PRELID2: variants seen among roughly 807,000 people sequenced by gnomAD.
PRELID2 encodes PRELI domain-containing protein 2.
Under a neutral mutation model 28.4 loss-of-function variants are expected in PRELID2, and 25 were observed. The observed-to-expected ratio is 0.88, with a 90% CI of 0.64 to 1.23. PRELID2 has a LOEUF of 1.23. Among genes scored for constraint, PRELID2 ranks in the 50% most tolerant of loss-of-function variants. The probability of loss-of-function intolerance (pLI) is 0.00; values close to 1 mark genes in which losing one functional copy is unlikely to be tolerated. For synonymous variants in PRELID2, 76 were observed against 71.6 expected (o/e 1.06, Z -0.31); for missense variants, 201 against 214.4 (o/e 0.94, Z 0.39).
At chr5:145,819,520 C>CCTG in intron 3 of PRELID2, 1 of 694,686 alleles carries the variant, frequency 1.4e-6, no homozygotes, top group Non-Finnish European at 2.5e-6. Flanking sequence ...GAACCTTATA[C>CCTG]TCTGGGAAAT....
chr5:145,368,785 AT>A, the PRELID2 span, among the ~76,000 whole-genome samples: 3 of 149,528 alleles, frequency 2.0e-5, no homozygotes, highest in South Asian at 2.1e-4. Flanking sequence ...AGTCTCTTTC[AT>A]TTTTTTTGTT....
At chr5:145,565,841 T>C (rs903952779) in intron 1 of PRELID2, among the ~76,000 whole-genome samples, 1 of 152,210 alleles carries the variant, frequency 6.6e-6, no homozygotes, top group African/African-American at 2.4e-5. Flanking sequence ...TAAGCAAACA[T>C]TTCTTTAAGT....
chr5:145,589,479 T>G (rs1753198374), intron 1 of PRELID2, among the ~76,000 whole-genome samples: 1 of 152,200 alleles, frequency 6.6e-6, no homozygotes. Context: ...ATTTTTTTTC[T>G]TTGCCATCAT....
At chr5:145,613,701 GT>G (rs1344106811) in intron 1 of PRELID2, among the ~76,000 whole-genome samples, 1 of 152,000 alleles carries the variant, frequency 6.6e-6, no homozygotes, top group Admixed American at 6.6e-5. Context: ...ATTTGTTTGA[GT>G]TCATTGTAGA....
At chr5:145,471,655 T>C (rs1286099915), downstream of PRELID2, 2 of 152,144 alleles carry the variant, frequency 1.3e-5, no homozygotes, top group Non-Finnish European at 2.9e-5. Context: ...CTCTTGCCTA[T>C]CGGTGTATAT....
At chr5:145,607,781 A>G (rs952916125) in intron 1 of PRELID2, among the ~76,000 whole-genome samples, 1 of 152,168 alleles carries the variant, frequency 6.6e-6, no homozygotes, top group Non-Finnish European at 1.5e-5. Flanking sequence ...TGTCAAGTTC[A>G]GGTCCTGAAT....
At chr5:145,381,806 T>C in the PRELID2 span, 2 of 152,082 alleles carry the variant, frequency 1.3e-5, no homozygotes, top group Non-Finnish European at 2.9e-5. Flanking sequence ...AAAATAATTC[T>C]ACAGAGGAGC....
the PRELID2 span, among the ~76,000 whole-genome samples, chr5:145,294,128 C>A: frequency 6.6e-6 from 1 of 152,098 alleles, no homozygotes; most frequent in Non-Finnish European, 1.5e-5. Context: ...CATTATGCTT[C>A]AAATGTGAGT....
chr5:145,321,689 G>A, the PRELID2 span, among the ~76,000 whole-genome samples: 3 of 152,194 alleles, frequency 2.0e-5, no homozygotes, highest in South Asian at 4.1e-4. Context: ...CATAGCAATT[G>A]TCCCCTTGGT....
chr5:145,743,087 T>G (rs569516843), intron 1 of PRELID2, among the ~76,000 whole-genome samples: 42 of 151,834 alleles, frequency 2.8e-4, no homozygotes, highest in Middle Eastern at 3.4e-3. Flanking sequence ...AATGACGGAC[T>G]AGAAATGGGG....
intron 5 of PRELID2, among the ~76,000 whole-genome samples, chr5:145,765,940 A>ACCC (rs2149772113): frequency 6.6e-6 from 1 of 152,284 alleles, no homozygotes; most frequent in African/African-American, 2.4e-5. Flanking sequence ...CAGCACAGGC[A>ACCC]CCCTCTTCCT....
chr5:145,360,539 C>A, the PRELID2 span, among the ~76,000 whole-genome samples: 5 of 152,106 alleles, frequency 3.3e-5, no homozygotes, highest in Non-Finnish European at 7.4e-5. Context: ...AAAATAACAG[C>A]CCCTGAGCCT....
At chr5:145,346,290 T>A in the PRELID2 span, among the ~76,000 whole-genome samples, 1 of 152,150 alleles carries the variant, frequency 6.6e-6, no homozygotes, top group African/African-American at 2.4e-5. Context: ...AAGCTCACAT[T>A]TGAATTGCAG....
At chr5:145,450,679 T>C in the PRELID2 span, 2 of 152,168 alleles carry the variant, frequency 1.3e-5, no homozygotes, top group Non-Finnish European at 2.9e-5. Context: ...CTGGATTCTG[T>C]CAAAGCAGAT....
the PRELID2 span, among the ~76,000 whole-genome samples, chr5:145,325,263 T>A: frequency 3.9e-5 from 6 of 152,222 alleles, no homozygotes; most frequent in Admixed American, 2.0e-4. Context: ...ATATTATTTC[T>A]CAGGCATAAT....
At chr5:145,604,426 G>T (rs1753466210) in intron 1 of PRELID2, among the ~76,000 whole-genome samples, 1 of 152,036 alleles carries the variant, frequency 6.6e-6, no homozygotes, top group Non-Finnish European at 1.5e-5. Context: ...CTTTCTTATG[G>T]CTGTGTAGTA....
intron 5 of PRELID2, among the ~76,000 whole-genome samples, chr5:145,778,756 C>T (rs1312715029): frequency 3.3e-5 from 5 of 152,268 alleles, no homozygotes; most frequent in South Asian, 2.1e-4. Flanking sequence ...CCCTTGGAGG[C>T]GTGGAAGCCA....
chr5:145,643,220 G>A (rs1241612739), intron 1 of PRELID2, among the ~76,000 whole-genome samples: 2 of 152,166 alleles, frequency 1.3e-5, no homozygotes, highest in African/African-American at 4.8e-5. Context: ...TCTCCCTGAA[G>A]AGGTCCTTCA....
chr5:145,411,633 C>G, the PRELID2 span, among the ~76,000 whole-genome samples: 1 of 152,192 alleles, frequency 6.6e-6, no homozygotes, highest in Non-Finnish European at 1.5e-5. Context: ...GTCAGTGGAT[C>G]TACCATTCTG....
Sources: allele counts gnomAD v4.1 joint callset (sites outside exome capture counted in the v4.1 genomes callset), GRCh38; gene constraint gnomAD v4.1.1; transcripts MANE v1.5; gene names NCBI Gene and HGNC (gene_info 2026-07-23, HGNC 2026-07-21).